Variants in CTNNA3 observed in about 807,000 individuals in gnomAD.
The protein encoded by CTNNA3 is catenin alpha 3, also known as catenin alpha-3.
A neutral mutation model predicts 95.7 loss-of-function variants in CTNNA3; 76 were observed. The ratio of observed to expected loss-of-function variants is 0.79; its 90% confidence interval spans 0.66 to 0.96. The LOEUF is 0.96. Ranked by LOEUF, CTNNA3 falls within the 40% of genes least tolerant of loss-of-function variation. The pLI, the probability that CTNNA3 is intolerant of heterozygous loss-of-function variation, is 0.00. For missense variants in CTNNA3, 1,191 were observed against 1,089.8 expected, an observed-to-expected ratio of 1.09 and a Z score of -1.31; for synonymous variants, 431 against 374.4, an observed-to-expected ratio of 1.15 and a Z score of -1.74.
chr10:66,024,490 T>C (rs531621837), intron 15 of CTNNA3, among the ~76,000 whole-genome samples: 1 of 152,306 alleles, frequency 6.6e-6, no homozygotes, highest in South Asian at 2.1e-4. Context: ...TGTATGACCG[T>C]TTAACAAAAT....
intron 12 of CTNNA3, among the ~76,000 whole-genome samples, chr10:66,350,477 G>T (rs1429187841): frequency 6.6e-6 from 1 of 151,762 alleles, no homozygotes; most frequent in Non-Finnish European, 1.5e-5. Flanking sequence ...CTGAGTAAGG[G>T]CAAGAGATAC....
intron 3 of CTNNA3, among the ~76,000 whole-genome samples, chr10:67,559,367 C>T (rs1015256704): frequency 1.3e-5 from 2 of 152,186 alleles, no homozygotes; most frequent in African/African-American, 2.4e-5. Context: ...GCTGCTGATA[C>T]CCAGGCAAAC....
chr10:66,533,674 G>T (rs913619670), intron 10 of CTNNA3, among the ~76,000 whole-genome samples: 18 of 152,096 alleles, frequency 1.2e-4, no homozygotes, highest in African/African-American at 4.3e-4. Context: ...CCAGTCTAAG[G>T]CTCCTTCTAC....
intron 7 of CTNNA3, among the ~76,000 whole-genome samples, chr10:67,037,594 T>A (rs911394819): frequency 5.9e-5 from 9 of 152,066 alleles, no homozygotes; most frequent in Admixed American, 1.3e-4. Flanking sequence ...TGCAAGGAGA[T>A]GAATTAGAAA....
Position 66,521,426 on chromosome 10 carries a change from A to AT in CTNNA3, c.1375-654dup, listed in dbSNP as rs200051726. Reference sequence around the variant, plus strand: ...GGTGAGAAATGGATGCCTTTAACAGATTTTTTTTTCAAATTAGTAAACAAA... The same window carrying AT: ...GGTGAGAAATGGATGCCTTTAACAGATTTTTTTTTTCAAATTAGTAAACAAA... On this transcript the variant is annotated intron_variant, in intron 10 of 17. Coordinates refer to ENST00000433211, the MANE Select transcript of CTNNA3 (RefSeq NM_013266.4). 1.7e-3 allele frequency among the ~76,000 whole-genome samples: 253 copies of AT among 151,524 alleles called. 2 individuals carry two copies. Among genetic ancestry groups the AT allele is most frequent in the South Asian group, 0.011 (51 of 4,790 alleles).
intron 1 of CTNNA3, among the ~76,000 whole-genome samples, chr10:67,702,877 A>AG (rs1841052342): frequency 6.6e-6 from 1 of 152,234 alleles, no homozygotes; most frequent in Non-Finnish European, 1.5e-5. Context: ...ATAGACCGCT[A>AG]GCAAGACTAA....
intron 10 of CTNNA3, among the ~76,000 whole-genome samples, chr10:66,536,021 A>C (rs1305914301): frequency 6.6e-6 from 1 of 152,102 alleles, no homozygotes; most frequent in Non-Finnish European, 1.5e-5. Flanking sequence ...AGATACACAG[A>C]TATCAGAAAC....
intron 1 of CTNNA3, among the ~76,000 whole-genome samples, chr10:67,755,751 G>A (rs1841429086): frequency 7.3e-6 from 1 of 136,212 alleles, no homozygotes; most frequent in Non-Finnish European, 1.5e-5. Flanking sequence ...GAAATGAGCC[G>A]AGATCACACC....
At chr10:66,413,175 T>C (rs1170158614) in intron 11 of CTNNA3, among the ~76,000 whole-genome samples, 1 of 152,164 alleles carries the variant, frequency 6.6e-6, no homozygotes, top group Non-Finnish European at 1.5e-5. Flanking sequence ...TGGTAATCCA[T>C]AGAGCCTACA....
At chr10:66,197,704 T>C (rs977161442) in intron 13 of CTNNA3, among the ~76,000 whole-genome samples, 1 of 152,114 alleles carries the variant, frequency 6.6e-6, no homozygotes, top group Non-Finnish European at 1.5e-5. Context: ...CTCAAAAACA[T>C]GTCACAAAGA....
At chr10:66,718,202 CTCTT>C (rs993993950) in intron 9 of CTNNA3, among the ~76,000 whole-genome samples, 10 of 151,454 alleles carry the variant, frequency 6.6e-5, no homozygotes, top group African/African-American at 2.2e-4. Context: ...TGATTCTAAA[CTCTT>C]TCTCTCTGTC....
chr10:67,020,968 G>A (rs1047952263), intron 7 of CTNNA3, among the ~76,000 whole-genome samples: 2 of 152,166 alleles, frequency 1.3e-5, no homozygotes, highest in African/African-American at 4.8e-5. Context: ...TAGAAGGCTA[G>A]TTAAACCTTG....
At chr10:66,426,858 T>C (rs2132652251) in intron 11 of CTNNA3, among the ~76,000 whole-genome samples, 1 of 152,136 alleles carries the variant, frequency 6.6e-6, no homozygotes, top group South Asian at 2.1e-4. Context: ...TTGATACATG[T>C]TATAATTTCT....
intron 1 of CTNNA3, among the ~76,000 whole-genome samples, chr10:67,691,790 G>A (rs1320339775): frequency 1.6e-4 from 23 of 144,340 alleles, no homozygotes; most frequent in East Asian, 6.6e-4. Flanking sequence ...CTGGCCAGCC[G>A]CCCCGTCCAG....
intron 16 of CTNNA3, among the ~76,000 whole-genome samples, chr10:65,972,418 G>A (rs1463815489): frequency 1.3e-5 from 2 of 152,064 alleles, no homozygotes; most frequent in African/African-American, 4.8e-5. Context: ...CTGTTGATAT[G>A]ATTTTATACC....
intron 5 of CTNNA3, among the ~76,000 whole-genome samples, chr10:67,492,066 G>T (rs954072878): frequency 3.3e-5 from 5 of 151,966 alleles, no homozygotes; most frequent in African/African-American, 7.3e-5. Flanking sequence ...TAGATTAAAG[G>T]CAGTTATTGA....
chr10:65,943,240 A>G (rs1589154414), intron 17 of CTNNA3, among the ~76,000 whole-genome samples: 1 of 151,684 alleles, frequency 6.6e-6, no homozygotes, highest in South Asian at 2.1e-4. Flanking sequence ...ATTTTTTTGT[A>G]TTTTTAGTAG....
intron 11 of CTNNA3, among the ~76,000 whole-genome samples, chr10:66,381,061 C>T (rs559573386): frequency 3.4e-4 from 51 of 152,214 alleles, no homozygotes; most frequent in Non-Finnish European, 7.2e-4. Flanking sequence ...ACCTAAGAGA[C>T]ATAATTTTTG....
At chr10:66,771,184 A>T (rs1023289376) in intron 8 of CTNNA3, among the ~76,000 whole-genome samples, 2 of 152,152 alleles carry the variant, frequency 1.3e-5, no homozygotes, top group Non-Finnish European at 2.9e-5. Context: ...TTTTACCAAA[A>T]TCCCATTTGA....
Sources: gnomAD v4.1 joint callset for allele counts (sites outside exome capture counted in the v4.1 genomes callset) on GRCh38, gnomAD v4.1.1 for gene constraint, MANE v1.5 for transcripts, NCBI Gene and HGNC (gene_info 2026-07-23, HGNC 2026-07-21) for gene names.